Variants in ANKRD55 observed in about 807,000 individuals in gnomAD.
The protein encoded by ANKRD55 is ankyrin repeat domain 55.
A neutral mutation model predicts 60.6 loss-of-function variants in ANKRD55; 41 were observed. The ratio of observed to expected loss-of-function variants is 0.68; its 90% CI spans 0.53 to 0.88. The LOEUF (loss-of-function observed/expected upper bound fraction) is 0.88, where lower values mean the gene tolerates loss of function less well. ANKRD55 is among the 40% of genes least tolerant of loss of function. The pLI, the probability that ANKRD55 is intolerant of heterozygous loss-of-function variation, is 0.00. For missense variants in ANKRD55, 732 were observed against 767.6 expected (o/e 0.95, Z 0.55); for synonymous variants, 264 against 290.3 (o/e 0.91, Z 0.92).
intron 2 of ANKRD55, among the ~76,000 whole-genome samples, chr5:56,229,056 G>A (rs182707591): frequency 6.7e-6 from 1 of 149,352 alleles, no homozygotes; most frequent in Non-Finnish European, 1.5e-5. Context: ...AGGCCCTGAG[G>A]CTACCCATCC....
At chr5:56,232,054 T>C (rs1275766027) in intron 2 of ANKRD55, among the ~76,000 whole-genome samples, 1 of 152,188 alleles carries the variant, frequency 6.6e-6, no homozygotes, top group Non-Finnish European at 1.5e-5. Flanking sequence ...GAAAAGATTC[T>C]AAAAAATATT....
rs142698201 is a variant in ANKRD55 at position 56,123,962 on chromosome 5, T to C, written c.797+2960A>G. Among the ~76,000 whole-genome samples the C allele has an allele frequency of 1.8e-4, 28 of 152,286 alleles. No individual in the cohort carries two copies. The East Asian group carries it at 5.4e-3, about 29-fold the overall frequency. On this transcript the variant is annotated intron_variant, in intron 8 of 11. Coordinates refer to ENST00000341048, the MANE Select transcript of ANKRD55 (RefSeq NM_024669.3). ...GGCAGGGCCCATGATTCAGAAGGAA[T>C]TCAGCAGAGACAAGAGTGGGCGGAT...
In ANKRD55 at chr5:56,111,744, C is replaced by T. The variant is rs368627073; in HGVS notation, c.1004G>A (p.Arg335Gln). 10 of 1,514,068 alleles carry T rather than the reference C, an allele frequency of 6.6e-6. No individual in the cohort carries two copies. Among genetic ancestry groups the T allele is most frequent in the African/African-American group, 1.4e-5 (1 of 71,560 alleles). 93.8% of individuals were successfully genotyped at this position (1,514,068 alleles called of 1,614,324 possible). A position where few individuals can be genotyped will look rare whatever the true frequency, so the allele number is the denominator to read the frequency against. ...GAACCGTCTCTCCTTCTTCTGGGGC[C>T]GACTGCTCTGGGAGGGAGGGGGTCG... Reference protein sequence around the residue: ...PTRPPPSQSSRPQKKERRFNV... With the variant: ...PTRPPPSQSSQPQKKERRFNV... Residue 335 changes from arginine (R) to glutamine (Q), a missense_variant, in exon 10 of 12, where the codon CGG (arginine) becomes CAG (glutamine). This residue lies in a region of ANKRD55 where 597 missense variants were observed against 607.5 expected (regional missense o/e 0.98). Coordinates refer to ENST00000341048, the MANE Select transcript of ANKRD55 (RefSeq NM_024669.3).
intron 2 of ANKRD55, among the ~76,000 whole-genome samples, chr5:56,218,815 G>C (rs1054413682): frequency 3.9e-5 from 6 of 152,152 alleles, no homozygotes; most frequent in African/African-American, 9.7e-5. Context: ...CACAGAGAGA[G>C]AGAGAGAGGG....
intron 2 of ANKRD55, among the ~76,000 whole-genome samples, chr5:56,191,476 T>G (rs1243823922): frequency 1.3e-5 from 2 of 152,250 alleles, no homozygotes; most frequent in Non-Finnish European, 2.9e-5. Flanking sequence ...TAAATAGAGT[T>G]GTTTTTCGAA....
chr5:56,231,309 T>C (rs1196144165), intron 2 of ANKRD55, among the ~76,000 whole-genome samples: 1 of 152,194 alleles, frequency 6.6e-6, no homozygotes, highest in Non-Finnish European at 1.5e-5. Context: ...AAAATCAGTC[T>C]TGTAATTCTG....
intron 5 of ANKRD55, among the ~76,000 whole-genome samples, chr5:56,166,113 TC>T (rs1758454231): frequency 1.3e-5 from 1 of 79,554 alleles, no homozygotes; most frequent in South Asian, 4.3e-4. Flanking sequence ...TTTCTTTCTT[TC>T]TTTCTTTCTT....
chr5:56,188,371 A>C (rs1759022733), intron 2 of ANKRD55, among the ~76,000 whole-genome samples: 1 of 151,018 alleles, frequency 6.6e-6, no homozygotes, highest in Admixed American at 6.6e-5. Flanking sequence ...CCTACAACCA[A>C]AAAAAAAGAA....
chr5:56,102,969 CAG>C (rs1489343035), intron 10 of ANKRD55, among the ~76,000 whole-genome samples: 7 of 152,114 alleles, frequency 4.6e-5, no homozygotes, highest in African/African-American at 9.7e-5. Context: ...TCTTCTAAAG[CAG>C]AGTTTCTCAG....
intron 6 of ANKRD55, 96 bp from the exon 7 acceptor site, chr5:56,144,025 C>T (rs1414612654): frequency 6.6e-7 from 1 of 1,518,128 alleles, no homozygotes; most frequent in East Asian, 2.3e-5. Flanking sequence ...GGGCCATCAC[C>T]AGATGCGTTG....
At chr5:56,116,524 T>C (rs1470026333) in intron 9 of ANKRD55, 91 bp downstream of exon 9, 4 of 1,066,352 alleles carry the variant, frequency 3.8e-6, no homozygotes, top group Non-Finnish European at 3.8e-6. Context: ...AATATTATTA[T>C]TGGTTTGCAC....
chr5:56,181,513 T>C (rs1255603029), intron 3 of ANKRD55, among the ~76,000 whole-genome samples: 3 of 152,220 alleles, frequency 2.0e-5, no homozygotes, highest in South Asian at 2.1e-4. Context: ...GTGGATTACA[T>C]TGACTTTCAA....
chr5:56,146,442 G>A (rs1224729302), intron 6 of ANKRD55, among the ~76,000 whole-genome samples: 5 of 151,872 alleles, frequency 3.3e-5, no homozygotes, highest in South Asian at 4.2e-4. Flanking sequence ...CCGCCACCAC[G>A]CCTGCCTAAT....
chr5:56,205,700 G>T (rs1287688705), intron 2 of ANKRD55, among the ~76,000 whole-genome samples: 1 of 152,138 alleles, frequency 6.6e-6, no homozygotes, highest in South Asian at 2.1e-4. Context: ...CTTTTAAAAG[G>T]CACCCTCCTT....
intron 7 of ANKRD55, among the ~76,000 whole-genome samples, chr5:56,127,880 A>G (rs1195440100): frequency 6.6e-6 from 1 of 152,042 alleles, no homozygotes; most frequent in Non-Finnish European, 1.5e-5. Context: ...TTCTTCCTCC[A>G]TCCATCTTTC....
intron 6 of ANKRD55, among the ~76,000 whole-genome samples, chr5:56,150,624 G>A (rs1051487346): frequency 3.9e-5 from 6 of 151,924 alleles, no homozygotes; most frequent in African/African-American, 7.3e-5. Context: ...TAGGCTGGGC[G>A]TGGTGCCTCA....
chr5:56,128,918 G>A (rs1484876042), intron 7 of ANKRD55, among the ~76,000 whole-genome samples: 2 of 152,176 alleles, frequency 1.3e-5, no homozygotes, highest in Admixed American at 6.5e-5. Flanking sequence ...TCATACTGGA[G>A]GAACTAAAGT....
chr5:56,117,442 T>A (rs959346527), intron 8 of ANKRD55, among the ~76,000 whole-genome samples: 5 of 152,168 alleles, frequency 3.3e-5, no homozygotes, highest in African/African-American at 1.2e-4. Context: ...ACTTGACTTT[T>A]AATTTATTTT....
intron 2 of ANKRD55, among the ~76,000 whole-genome samples, chr5:56,191,305 A>G (rs939806856): frequency 1.3e-5 from 2 of 152,226 alleles, no homozygotes; most frequent in Admixed American, 1.3e-4. Context: ...TAGTACTGGC[A>G]TCTTAATAAT....
Sources: gnomAD v4.1 joint callset for allele counts (sites outside exome capture counted in the v4.1 genomes callset) on GRCh38, gnomAD v4.1.1 for gene constraint, gnomAD v4.1.1 regional missense constraint, MANE v1.5 for transcripts, NCBI Gene and HGNC (gene_info 2026-07-23, HGNC 2026-07-21) for gene names.